TRMT2A: variants seen among roughly 807,000 people sequenced by gnomAD.
TRMT2A encodes tRNA (uracil-5-)-methyltransferase homolog A.
Under a neutral mutation model 59.3 loss-of-function variants are expected in TRMT2A, and 60 were observed. The ratio of observed to expected loss-of-function variants is 1.01; its 90% CI spans 0.82 to 1.26. The LOEUF is 1.26. Ranked by LOEUF, TRMT2A falls within the 50% of genes most tolerant of loss-of-function variation. TRMT2A has a pLI of 0.00. For missense variants in TRMT2A, 863 were observed against 845.2 expected (o/e 1.02, Z -0.26); for synonymous variants, 403 against 353.7 (o/e 1.14, Z -1.56).
rs1568967795 is a variant in TRMT2A, at chr22:20,112,718, G to C, written c.1723C>G (p.Pro575Ala). 1 of 1,613,956 alleles carries C rather than the reference G, an allele frequency of 6.2e-7. No individual in the cohort carries two copies. The highest frequency in any genetic ancestry group is 8.5e-7 in the Non-Finnish European group (1 of 1,180,034). ...PVKAVAVDLF[P>A]QTPHCEMLIL... ...AGCATCTCACAGTGCGGGGTCTGCG[G>C]GAACAGGTCCACTGCCACAGCCTTG... The change falls in exon 12 of 12, where the codon CCG becomes GCG. Residue 575 changes from proline to alanine, a missense_variant. Transcript: ENST00000252136.
chr22:20,114,054 C>T (rs1337086832), intron 7 of TRMT2A, among the ~76,000 whole-genome samples: 1 of 152,218 alleles, frequency 6.6e-6, no homozygotes, highest in African/African-American at 2.4e-5. Flanking sequence ...TGGTTGAGGG[C>T]TCATGAGGCC....
At chr22:20,113,869 C>CCT (rs111617686) in intron 7 of TRMT2A, 61 bp from the exon 8 acceptor site, 90,891 of 1,490,658 alleles carry the variant, frequency 0.061, 3,112 homozygotes, top group African/African-American at 0.13. Flanking sequence ...ACTGGTGCCC[C>CCT]GACGCCCACA....
In TRMT2A at chr22:20,113,423, G is replaced by A. The variant is rs908435400; in HGVS notation, c.1432+9C>T. 1.4e-6 allele frequency: 2 copies of A among 1,448,476 alleles called. No individual in the cohort carries two copies. Among genetic ancestry groups the A allele is most frequent in the Non-Finnish European group, 9.6e-7 (1 of 1,043,594 alleles). 89.7% of individuals were successfully genotyped at this position (1,448,476 alleles called of 1,614,324 possible). On this transcript the variant is annotated intron_variant, in intron 9 of 11. Transcript: ENST00000252136. ...CATCCCCACCCCCACCCACGGCCTT[G>A]CCACTCACCATTGTCCTGGGCGTTC...
Position 20,116,468 on chromosome 22 carries a change from G to A in TRMT2A, c.169C>T (p.Pro57Ser), listed in dbSNP as rs1347445641. Residue 57 changes from proline to serine, a missense_variant, in exon 2 of 12, where the codon CCC becomes TCC. Transcript: ENST00000252136. ...TCCCTGATGTAGCTGTAGAGCCCGG[G>A]CTGAGGCCCCGGCCCTGTAGCCGCC... ...AGAATGPGPQ[P>S]GLYSYIRDDL... 2 of 1,612,904 alleles carry A rather than the reference G, an allele frequency of 1.2e-6. No homozygotes were observed. Among genetic ancestry groups the A allele is most frequent in the Non-Finnish European group, 8.5e-7 (1 of 1,179,930 alleles).
chr22:20,116,396 G>C lies in TRMT2A; in HGVS notation c.241C>G (p.Pro81Ala). 6.2e-7 allele frequency: 1 copy of C among 1,611,836 alleles called. No homozygotes were observed. The highest frequency in any genetic ancestry group is 1.1e-5 in the South Asian group (1 of 91,072). The change falls in exon 2 of 12, where the codon CCT (proline) becomes GCT (alanine). Residue 81 changes from proline to alanine, a missense_variant. Pro to Ala is a conservative substitution (Grantham distance 27). Transcript: ENST00000252136. ...EIFKLELQNV[P>A]RHASFSDVRR... The stretch of plus-strand genomic sequence containing the variant: ...ACGTCGCTGAAGCTGGCGTGGCGAG[G>C]CACGTTCTGCAGCTCCAGTTTAAAG...
chr22:20,115,132 CT>C, intron 4 of TRMT2A, 53 bp from the exon 5 acceptor site: 3 of 1,561,570 alleles, frequency 1.9e-6, no homozygotes, highest in South Asian at 2.3e-5. Flanking sequence ...AGCAGTCCCC[CT>C]GCTCTCTCCT....
intron 3 of TRMT2A, 106 bp from the exon 4 acceptor site, chr22:20,115,553 A>C: frequency 6.4e-7 from 1 of 1,562,376 alleles, no homozygotes; most frequent in Non-Finnish European, 8.8e-7. Context: ...AACAGCTGAC[A>C]ACTATGTGAT....
At chr22:20,114,456 C>T (rs2049944164) in intron 7 of TRMT2A, 118 bp downstream of exon 7, 2 of 844,052 alleles carry the variant, frequency 2.4e-6, no homozygotes, top group Admixed American at 1.8e-5. Context: ...CCCTGTGGCT[C>T]ACCTGCCTGG....
chr22:20,113,530 C>T lies in TRMT2A; in HGVS notation c.1357-23G>A, dbSNP rs558159236. On this transcript the variant is annotated intron_variant, in intron 8 of 11. Coordinates refer to ENST00000252136, the MANE Select transcript of TRMT2A (RefSeq NM_022727.6). ...CTTCTGAAACAGGAAAGCGTGGTGT[C>T]GCCCCACCCAGGGAGGGGAGTACAT... 293 of 1,613,102 alleles carry T rather than the reference C, an allele frequency of 1.8e-4. 6 individuals carry two copies. In the South Asian group the frequency reaches 3.0e-3, roughly 16 times the overall value.
Position 20,112,708 on chromosome 22 carries a change from G to C in TRMT2A, c.1733C>G (p.Pro578Arg), listed in dbSNP as rs142476770. 1 of 1,613,994 alleles carries C rather than the reference G, an allele frequency of 6.2e-7. No homozygotes were observed. The highest frequency in any genetic ancestry group is 8.5e-7 in the Non-Finnish European group (1 of 1,180,028). Residue 578 changes from proline (P) to arginine (R), a missense_variant, in exon 12 of 12, where the codon CCG becomes CGG. Transcript: ENST00000252136. ...AVAVDLFPQT[P>R]HCEMLILFER... Reference sequence around the variant, plus strand: ...AAACAGGATGAGCATCTCACAGTGCGGGGTCTGCGGGAACAGGTCCACTGC... The same window carrying C: ...AAACAGGATGAGCATCTCACAGTGCCGGGTCTGCGGGAACAGGTCCACTGC...
chr22:20,116,799 A>G, intron 1 of TRMT2A, 84 bp downstream of exon 1: 1 of 1,293,056 alleles, frequency 7.7e-7, no homozygotes. Context: ...CCTCGTCCCC[A>G]CCTATTCTCT....
intron 9 of TRMT2A, 32 bp downstream of exon 9, chr22:20,113,400 T>TGGGCCCC: frequency 9.5e-7 from 1 of 1,049,432 alleles, no homozygotes; most frequent in Non-Finnish European, 1.4e-6. Flanking sequence ...GCTGCCCCCA[T>TGGGCCCC]CCCCACCCCC....
Position 20,112,778 on chromosome 22 carries a change from A to T in TRMT2A, c.1663T>A (p.Ser555Thr). ...GNFVDLCRAP[S>T]NRVKGIPFRP... ...AAGGGAATGCCCTTCACCCGGTTAGATGGGGCTCTGCAGAGGCTGTGGGGG... is the reference window on the plus strand; with the variant it reads ...AAGGGAATGCCCTTCACCCGGTTAGTTGGGGCTCTGCAGAGGCTGTGGGGG... Residue 555 changes from serine to threonine, a missense_variant, in exon 12 of 12, where the codon TCT (serine) becomes ACT (threonine). Physicochemically the swap from Ser to Thr is moderately conservative, Grantham distance 58. Coordinates refer to ENST00000252136, the MANE Select transcript of TRMT2A (RefSeq NM_022727.6). 6.2e-7 allele frequency: 1 copy of T among 1,613,402 alleles called. No homozygotes were observed. Among genetic ancestry groups the T allele is most frequent in the Middle Eastern group, 1.7e-4 (1 of 6,044 alleles).
rs938728130 is a variant in TRMT2A at position 20,112,157 on chromosome 22, C to T, written c.*406G>A. The T allele has an allele frequency of 4.6e-5, 9 of 194,462 alleles. No individual in the cohort carries two copies. Among genetic ancestry groups the T allele is most frequent in the African/African-American group, 1.4e-4 (6 of 42,852 alleles). The allele number at this position is 194,462 out of a possible 1,614,324, so 12.0% of individuals were successfully genotyped here. A position where few individuals can be genotyped will look rare whatever the true frequency, so the allele number is the denominator to read the frequency against. ...CTCTCCTCAAGTTTAAGTATCAAAT[C>T]GAACATTCTTTTTTAAAGTAAGCTC... On this transcript the variant is annotated 3_prime_UTR_variant, in exon 12 of 12. Transcript: ENST00000252136.
chr22:20,114,539 A>G lies in TRMT2A; in HGVS notation c.1233+35T>C, dbSNP rs192447533. On this transcript the variant is annotated intron_variant, in intron 7 of 11. Coordinates refer to ENST00000252136, the MANE Select transcript of TRMT2A (RefSeq NM_022727.6). ...CTGATGGTGCGTCAGGCCTCCCTCA[A>G]CATGTCCCCATGCCCACCAGGGACT... 1,257 of 1,565,088 alleles carry G rather than the reference A, an allele frequency of 8.0e-4. 20 individuals are homozygous for G. The East Asian group carries it at 0.021, about 26-fold the overall frequency.
rs775465223 is a variant in TRMT2A at position 20,115,703 on chromosome 22, G to A, written c.677C>T (p.Pro226Leu). 52 of 1,612,828 alleles carry A rather than the reference G, an allele frequency of 3.2e-5. No homozygotes were observed. Among genetic ancestry groups the A allele is most frequent in the Non-Finnish European group, 4.1e-5 (48 of 1,180,014 alleles). ...GGGTGATGGCCTGACCCCCTCCAGC[G>A]GGCAGCAGGCCTTGTTGTGCTTGTG... is the stretch of plus-strand genomic sequence containing the variant. ...QRHKHNKACC[P>L]LEGVRPSPQQ... Residue 226 changes from proline (P) to leucine (L), a missense_variant, in exon 3 of 12, where the codon CCG (proline) becomes CTG (leucine). Coordinates refer to ENST00000252136, the MANE Select transcript of TRMT2A (RefSeq NM_022727.6).
At chr22:20,113,628 G>A in intron 8 of TRMT2A, 58 bp downstream of exon 8, 3 of 1,594,748 alleles carry the variant, frequency 1.9e-6, no homozygotes, top group South Asian at 1.1e-5. Flanking sequence ...TTTGAGCTGG[G>A]GTCAATGGGG....
Position 20,113,466 on chromosome 22 carries a change from A to T in TRMT2A, c.1398T>A (p.Ala466=), listed in dbSNP as rs764741929. 4 of 1,610,446 alleles carry T rather than the reference A, an allele frequency of 2.5e-6. No individual in the cohort carries two copies. Among genetic ancestry groups the T allele is most frequent in the Non-Finnish European group, 2.5e-6 (3 of 1,179,002 alleles). ...GGGCGTTCACCCGGGCGTCCTCCAC[A>T]GCCTCTGGGCATAGCTCGACCCCAA... The part of the protein sequence containing the change: ...RVIGVELCPE[A]VEDARVNAQD... The change falls in exon 9 of 12, where the codon GCT becomes GCA. Residue 466 remains alanine, a synonymous_variant. Coordinates refer to ENST00000252136, the MANE Select transcript of TRMT2A (RefSeq NM_022727.6).
Position 20,114,511 on chromosome 22 carries a change from G to A in TRMT2A, c.1233+63C>T, listed in dbSNP as rs898094273. ...CGCCTGAGCCCACTGTTCCCATCAC[G>A]TCCTGATGGTGCGTCAGGCCTCCCT... is the stretch of plus-strand genomic sequence containing the variant. On this transcript the variant is annotated intron_variant, in intron 7 of 11. Transcript: ENST00000252136. 25 of 1,364,734 alleles carry A rather than the reference G, an allele frequency of 1.8e-5. No homozygotes were observed. The Admixed American group carries it at 2.7e-4, about 15-fold the overall frequency. 84.5% of individuals were successfully genotyped at this position (1,364,734 alleles called of 1,614,324 possible). A position where few individuals can be genotyped will look rare whatever the true frequency, so the allele number is the denominator to read the frequency against.
Sources: gnomAD v4.1 joint callset for allele counts (sites outside exome capture counted in the v4.1 genomes callset) on GRCh38, gnomAD v4.1.1 for gene constraint, MANE v1.5 for transcripts, NCBI Gene and HGNC (gene_info 2026-07-23, HGNC 2026-07-21) for gene names.